Variants in RBFOX1 observed in about 807,000 individuals in gnomAD.
RBFOX1 encodes the protein RNA binding protein fox-1 homolog 1.
RBFOX1 carries 8 observed loss-of-function variants against 57.7 expected under a neutral mutation model. The ratio of observed to expected loss-of-function variants is 0.14; its 90% CI spans 0.08 to 0.25. The LOEUF (loss-of-function observed/expected upper bound fraction) is 0.25, where lower values mean the gene tolerates loss of function less well. Ranked by LOEUF, RBFOX1 falls within the 10% of genes least tolerant of loss-of-function variation. RBFOX1 has a pLI of 1.00. For synonymous variants in RBFOX1, 326 were observed against 222.4 expected (o/e 1.47, Z -4.15); for missense variants, 611 against 548.5 (o/e 1.11, Z -1.14).
chr16:5,564,047 T>G lies in RBFOX1; in HGVS notation c.259-34855T>G, dbSNP rs1401353806. On this transcript the variant is annotated intron_variant, in intron 2 of 2. Transcript: ENST00000585867. ...TTTTTATTTTTAGACTGAGTCTTGC[T>G]CTGTCACCCAGGCTGGAGTGCAGTG... 2.0e-5 allele frequency among the ~76,000 whole-genome samples: 3 copies of G among 152,144 alleles called. No homozygotes were observed. In the East Asian group the frequency reaches 5.8e-4, roughly 29 times the overall value.
chr16:5,999,395 T>C (rs963528747), intron 4 of RBFOX1, among the ~76,000 whole-genome samples: 1 of 152,256 alleles, frequency 6.6e-6, no homozygotes, highest in Non-Finnish European at 1.5e-5. Context: ...TCTTCCCCCA[T>C]TGAAACCTTT....
At chr16:5,296,954 G>T (rs1047267754) in intron 1 of RBFOX1, among the ~76,000 whole-genome samples, 1 of 152,112 alleles carries the variant, frequency 6.6e-6, no homozygotes, top group Non-Finnish European at 1.5e-5. Context: ...GGGATTACAG[G>T]CATGAGCTAC....
intron 1 of RBFOX1, among the ~76,000 whole-genome samples, chr16:6,297,107 G>C (rs536939687): frequency 6.6e-6 from 1 of 152,306 alleles, no homozygotes; most frequent in African/African-American, 2.4e-5. Flanking sequence ...CATGGTGCTG[G>C]TGGGAGTGTA....
At chr16:6,652,364 C>G (rs978426101) in intron 2 of RBFOX1, among the ~76,000 whole-genome samples, 7 of 152,204 alleles carry the variant, frequency 4.6e-5, no homozygotes, top group African/African-American at 1.7e-4. Flanking sequence ...AGAAGAATCA[C>G]TTGAACCTGG....
chr16:5,476,628 G>A (rs2069334708), intron 2 of RBFOX1, among the ~76,000 whole-genome samples: 2 of 152,330 alleles, frequency 1.3e-5, no homozygotes, highest in Non-Finnish European at 2.9e-5. Context: ...TAAGTGTTTT[G>A]AGTAGTGTCT....
At chr16:5,731,804 A>G (rs1037770227) in intron 3 of RBFOX1, among the ~76,000 whole-genome samples, 4 of 152,186 alleles carry the variant, frequency 2.6e-5, no homozygotes, top group Non-Finnish European at 4.4e-5. Context: ...GAAATCTTAG[A>G]CAATTTTCCA....
At chr16:5,814,451 T>C (rs1045180759) in intron 3 of RBFOX1, among the ~76,000 whole-genome samples, 21 of 152,214 alleles carry the variant, frequency 1.4e-4, no homozygotes, top group African/African-American at 5.1e-4. Context: ...ACAATAAATA[T>C]AGGCTCTGTG....
chr16:6,541,176 C>A (rs549424560), intron 2 of RBFOX1, among the ~76,000 whole-genome samples: 10 of 152,168 alleles, frequency 6.6e-5, no homozygotes, highest in Admixed American at 5.2e-4. Flanking sequence ...AGAACTCTTT[C>A]ATTCTATGCG....
At chr16:6,080,492 C>G (rs1340762781) in intron 1 of RBFOX1, among the ~76,000 whole-genome samples, 2 of 152,078 alleles carry the variant, frequency 1.3e-5, no homozygotes, top group African/African-American at 4.8e-5. Context: ...CTCAGGGAGC[C>G]TCAAGTCTGG....
At chr16:7,052,371 C>G (rs2050391029) in intron 4 of RBFOX1, among the ~76,000 whole-genome samples, 1 of 152,120 alleles carries the variant, frequency 6.6e-6, no homozygotes, top group Non-Finnish European at 1.5e-5. Flanking sequence ...CATCATTGTA[C>G]TCTTTTTATG....
intron 1 of RBFOX1, among the ~76,000 whole-genome samples, chr16:6,225,711 A>C (rs1362759949): frequency 1.3e-5 from 2 of 152,198 alleles, no homozygotes; most frequent in African/African-American, 4.8e-5. Flanking sequence ...TTTTGTCTTG[A>C]ATGAAATTGG....
In RBFOX1 at chr16:7,158,817, C is replaced by G. The variant is rs147262090; in HGVS notation, c.27+106719C>G. On this transcript the variant is annotated intron_variant, in intron 4 of 15. Coordinates refer to ENST00000550418, the MANE Select transcript of RBFOX1 (RefSeq NM_018723.4). Reference sequence around the variant, plus strand: ...ATGCGTTTGTGTGGTGTTTGTGTCTCTAGTGTCAGCACTTGTTTGTATGGT... The same window carrying G: ...ATGCGTTTGTGTGGTGTTTGTGTCTGTAGTGTCAGCACTTGTTTGTATGGT... Among the ~76,000 whole-genome samples the G allele has an allele frequency of 3.2e-4, 48 of 151,518 alleles. 1 individual carries two copies. The highest frequency in any genetic ancestry group is 9.9e-4 in the Admixed American group (15 of 15,188).
At chr16:5,831,678 G>A (rs1409247836) in intron 3 of RBFOX1, among the ~76,000 whole-genome samples, 2 of 151,872 alleles carry the variant, frequency 1.3e-5, no homozygotes, top group Middle Eastern at 3.4e-3. Context: ...TGGTAGAGAC[G>A]GGGTTTCACC....
intron 1 of RBFOX1, among the ~76,000 whole-genome samples, chr16:5,346,370 T>C (rs988240031): frequency 1.3e-5 from 2 of 152,144 alleles, no homozygotes; most frequent in African/African-American, 4.8e-5. Flanking sequence ...ACATAAATTG[T>C]CAGGAGAGGG....
At chr16:6,820,043 A>C (rs1399120259) in intron 3 of RBFOX1, among the ~76,000 whole-genome samples, 2 of 152,128 alleles carry the variant, frequency 1.3e-5, no homozygotes, top group Admixed American at 1.3e-4. Context: ...ACCCAATAGG[A>C]AGTAAAATTG....
chr16:6,941,414 A>G (rs1344884528), intron 3 of RBFOX1, among the ~76,000 whole-genome samples: 1 of 149,914 alleles, frequency 6.7e-6, no homozygotes, highest in Admixed American at 6.7e-5. Flanking sequence ...TCTCATTTGG[A>G]ATATTAGGAA....
At position 7,075,472 on chromosome 16, in the gene RBFOX1, C is replaced by T. The variant is rs1030278649; in HGVS notation, c.27+23374C>T. Among the ~76,000 whole-genome samples, 3 of 152,100 alleles carry T rather than the reference C, an allele frequency of 2.0e-5. No homozygotes were observed. In the South Asian group the frequency reaches 6.2e-4, roughly 32 times the overall value. The stretch of plus-strand genomic sequence containing the variant: ...AGTATTTAATAATCTGGAAGTTTTA[C>T]AGAAATATCTAGATTTTTTTTGGCT... On this transcript the variant is annotated intron_variant, in intron 4 of 15. Coordinates refer to ENST00000550418, the MANE Select transcript of RBFOX1 (RefSeq NM_018723.4).
intron 4 of RBFOX1, among the ~76,000 whole-genome samples, chr16:7,262,051 T>C (rs1233117339): frequency 6.6e-6 from 1 of 152,250 alleles, no homozygotes. Context: ...AAAGCAATTA[T>C]GTACCTTTTT....
At chr16:6,804,060 G>A (rs1377532621) in intron 3 of RBFOX1, among the ~76,000 whole-genome samples, 1 of 151,812 alleles carries the variant, frequency 6.6e-6, no homozygotes, top group East Asian at 1.9e-4. Flanking sequence ...TGGCTAGAGT[G>A]CAATGACATG....
Sources: gnomAD v4.1 joint callset for allele counts (sites outside exome capture counted in the v4.1 genomes callset) on GRCh38, gnomAD v4.1.1 for gene constraint, MANE v1.5 for transcripts, NCBI Gene and HGNC (gene_info 2026-07-23, HGNC 2026-07-21) for gene names.